Variants in MAF observed in about 807,000 individuals in gnomAD.
MAF encodes the protein MAF bZIP transcription factor.
Under a neutral mutation model 22.0 loss-of-function variants are expected in MAF, and 10 were observed. The ratio of observed to expected loss-of-function variants is 0.45; its 90% CI spans 0.28 to 0.77. The LOEUF (loss-of-function observed/expected upper bound fraction) is 0.77, where lower values mean the gene tolerates loss of function less well. MAF is among the 30% of genes least tolerant of loss of function. MAF has a pLI of 0.12. For synonymous variants in MAF, 337 were observed against 255.8 expected, an observed-to-expected ratio of 1.32 and a Z score of -3.03; for missense variants, 544 against 548.4, an observed-to-expected ratio of 0.99 and a Z score of 0.08.
At chr16:79,586,043 G>C (rs758951787) in intron 1 of MAF, 5 of 570,258 alleles carry the variant, frequency 8.8e-6, no homozygotes, top group African/African-American at 1.9e-5. Flanking sequence ...CTATCAAAAG[G>C]GCAGAATTAC....
At chr16:79,493,829 G>A in the MAF span, among the ~76,000 whole-genome samples, 1 of 151,650 alleles carries the variant, frequency 6.6e-6, no homozygotes, top group Non-Finnish European at 1.5e-5. Flanking sequence ...GAAAGACTTT[G>A]CTTCCCCCAA....
chr16:79,404,256 C>T, the MAF span, among the ~76,000 whole-genome samples: 3 of 151,424 alleles, frequency 2.0e-5, no homozygotes, highest in Admixed American at 6.6e-5. Flanking sequence ...CTCCGCCTCC[C>T]GGGTTCAAGC....
chr16:79,258,119 C>T, the MAF span, among the ~76,000 whole-genome samples: 8 of 152,122 alleles, frequency 5.3e-5, no homozygotes, highest in African/African-American at 1.2e-4. Flanking sequence ...GCCTGTAAGC[C>T]GCAGAATCTG....
At chr16:79,479,780 T>C in the MAF span, among the ~76,000 whole-genome samples, 1 of 152,226 alleles carries the variant, frequency 6.6e-6, no homozygotes, top group Non-Finnish European at 1.5e-5. Flanking sequence ...ATCCATGCTT[T>C]AATTCTGTAT....
At chr16:79,555,088 A>G in the MAF span, among the ~76,000 whole-genome samples, 3 of 152,192 alleles carry the variant, frequency 2.0e-5, no homozygotes, top group South Asian at 6.2e-4. Flanking sequence ...TCCCTCTGGC[A>G]GGCTGACCTA....
chr16:79,354,210 C>T, the MAF span, among the ~76,000 whole-genome samples: 1 of 151,886 alleles, frequency 6.6e-6, no homozygotes, highest in Admixed American at 6.6e-5. Context: ...CCAGACTGCT[C>T]TCAAAGTCCT....
the MAF span, among the ~76,000 whole-genome samples, chr16:79,375,900 C>A: frequency 1.3e-5 from 2 of 152,156 alleles, no homozygotes; most frequent in Non-Finnish European, 2.9e-5. Flanking sequence ...ATTACATAAA[C>A]ATGGATAGAA....
chr16:79,430,288 A>G, the MAF span, among the ~76,000 whole-genome samples: 1 of 152,246 alleles, frequency 6.6e-6, no homozygotes, highest in Non-Finnish European at 1.5e-5. Context: ...CTCCGTTTGG[A>G]AAGCCAGCTT....
chr16:79,290,745 G>A, the MAF span, among the ~76,000 whole-genome samples: 1 of 151,852 alleles, frequency 6.6e-6, no homozygotes, highest in African/African-American at 2.4e-5. Context: ...TTTTCCTTTG[G>A]AATCTAGAAT....
chr16:79,371,596 C>T, the MAF span, among the ~76,000 whole-genome samples: 3 of 152,174 alleles, frequency 2.0e-5, no homozygotes, highest in Admixed American at 1.3e-4. Flanking sequence ...CTCTTTCTTC[C>T]CACCTCAGAG....
At chr16:79,558,137 G>C in the MAF span, among the ~76,000 whole-genome samples, 5 of 150,966 alleles carry the variant, frequency 3.3e-5, no homozygotes, top group African/African-American at 1.2e-4. Flanking sequence ...ATTGGAGAGA[G>C]TGGGTCTTGG....
chr16:79,454,862 C>T, the MAF span, among the ~76,000 whole-genome samples: 3 of 152,060 alleles, frequency 2.0e-5, no homozygotes, highest in East Asian at 1.9e-4. Context: ...TTTGGGAGGC[C>T]GAGGCAGGTG....
chr16:79,207,609 TCTATTTTTTA>T, the MAF span, among the ~76,000 whole-genome samples: 4 of 152,246 alleles, frequency 2.6e-5, no homozygotes, highest in African/African-American at 9.6e-5. Context: ...TGATATTGTG[TCTATTTTTTA>T]TATATCTCAT....
the MAF span, among the ~76,000 whole-genome samples, chr16:79,553,906 T>C: frequency 2.6e-5 from 4 of 152,010 alleles, no homozygotes; most frequent in Admixed American, 2.6e-4. Flanking sequence ...CTGGCAAATA[T>C]GGTGAAACTC....
At chr16:79,242,199 T>C in the MAF span, among the ~76,000 whole-genome samples, 15 of 151,862 alleles carry the variant, frequency 9.9e-5, no homozygotes, top group Admixed American at 9.9e-4. Context: ...GTATTAACCT[T>C]AAATGTAAAC....
the MAF span, among the ~76,000 whole-genome samples, chr16:79,400,008 T>G: frequency 6.6e-6 from 1 of 152,058 alleles, no homozygotes; most frequent in Non-Finnish European, 1.5e-5. Context: ...AAACCATAAT[T>G]GTGAATAGTA....
chr16:79,317,938 TCAC>T, the MAF span, among the ~76,000 whole-genome samples: 15 of 134,126 alleles, frequency 1.1e-4, no homozygotes, highest in African/African-American at 4.9e-4. Flanking sequence ...ACTCACTCAC[TCAC>T]TCACTCACTC....
At chr16:79,566,241 C>G in the MAF span, among the ~76,000 whole-genome samples, 1 of 152,090 alleles carries the variant, frequency 6.6e-6, no homozygotes, top group Non-Finnish European at 1.5e-5. Flanking sequence ...AAAGACAATC[C>G]CCATGCATCA....
the MAF span, among the ~76,000 whole-genome samples, chr16:79,378,616 T>C: frequency 6.6e-6 from 1 of 152,190 alleles, no homozygotes; most frequent in African/African-American, 2.4e-5. Flanking sequence ...GGAATAAATG[T>C]TTACCCATAA....
Sources: allele counts gnomAD v4.1 joint callset (sites outside exome capture counted in the v4.1 genomes callset), GRCh38; gene constraint gnomAD v4.1.1; transcripts MANE v1.5; gene names NCBI Gene and HGNC (gene_info 2026-07-23, HGNC 2026-07-21).